The following CPNE8 variants were observed in gnomAD, a reference collection of about 807,000 sequenced individuals.
CPNE8 encodes copine 8.
In CPNE8, 45 loss-of-function variants were observed where a neutral mutation model predicts 81.5. The ratio of observed to expected loss-of-function variants is 0.55; its 90% CI spans 0.44 to 0.71. The LOEUF (loss-of-function observed/expected upper bound fraction) is 0.71, where lower values mean the gene tolerates loss of function less well. Among genes scored for constraint, CPNE8 ranks in the 30% least tolerant of loss-of-function variants. The pLI is 0.00. For synonymous variants in CPNE8, 252 were observed against 226.3 expected (o/e 1.11, Z -1.02); for missense variants, 594 against 672.1 (o/e 0.88, Z 1.28).
chr12:38,889,174 G>T (rs1032322870), intron 1 of CPNE8, among the ~76,000 whole-genome samples: 14 of 149,900 alleles, frequency 9.3e-5, no homozygotes, highest in African/African-American at 3.6e-4. Context: ...AACACATTGG[G>T]CTCCAGGCCC....
intron 10 of CPNE8, among the ~76,000 whole-genome samples, chr12:38,751,382 C>A (rs775615067): frequency 2.6e-5 from 4 of 152,116 alleles, no homozygotes; most frequent in Non-Finnish European, 4.4e-5. Flanking sequence ...TGGGCATCTT[C>A]TTATTATTGT....
At chr12:38,727,835 GC>G (rs1940739201) in intron 11 of CPNE8, among the ~76,000 whole-genome samples, 2 of 152,184 alleles carry the variant, frequency 1.3e-5, no homozygotes, top group Non-Finnish European at 2.9e-5. Flanking sequence ...GTGTACACAT[GC>G]CCAAGGAAGA....
chr12:38,892,792 T>C (rs979778712), intron 1 of CPNE8, among the ~76,000 whole-genome samples: 3 of 152,134 alleles, frequency 2.0e-5, no homozygotes, highest in African/African-American at 7.2e-5. Context: ...AAAAGTAACA[T>C]ATTAGAAAAG....
intron 6 of CPNE8, among the ~76,000 whole-genome samples, chr12:38,799,285 C>T (rs1197623596): frequency 6.6e-6 from 1 of 152,098 alleles, no homozygotes; most frequent in Admixed American, 6.5e-5. Flanking sequence ...AAATTGACCA[C>T]ATACTTGGAA....
chr12:38,753,281 G>A lies in CPNE8; in HGVS notation c.722+7566C>T, dbSNP rs143758404. Reference sequence around the variant, plus strand: ...AGCCTGGTCAACATGGTGAAACCCCGTCTCTAATAAAAATACAAAAATTAG... The same window carrying A: ...AGCCTGGTCAACATGGTGAAACCCCATCTCTAATAAAAATACAAAAATTAG... On this transcript the variant is annotated intron_variant, in intron 10 of 19. Coordinates refer to ENST00000331366, the MANE Select transcript of CPNE8 (RefSeq NM_153634.3). Among the ~76,000 whole-genome samples, 129 of 151,996 alleles carry A rather than the reference G, an allele frequency of 8.5e-4. No individual in the cohort carries two copies. In the East Asian group the frequency reaches 0.017, roughly 20 times the overall value.
intron 3 of CPNE8, among the ~76,000 whole-genome samples, chr12:38,853,609 A>C (rs1943682172): frequency 6.6e-6 from 1 of 152,182 alleles, no homozygotes; most frequent in African/African-American, 2.4e-5. Context: ...TGTTAAAACC[A>C]GAAAACACTG....
At chr12:38,701,208 A>G (rs145455655) in intron 14 of CPNE8, among the ~76,000 whole-genome samples, 86 of 152,292 alleles carry the variant, frequency 5.6e-4, no homozygotes, top group Non-Finnish European at 8.5e-4. Flanking sequence ...TCCTCTTCAG[A>G]TAGTTGTTAG....
intron 7 of CPNE8, among the ~76,000 whole-genome samples, chr12:38,775,107 A>C (rs553166936): frequency 6.6e-6 from 1 of 152,144 alleles, no homozygotes; most frequent in African/African-American, 2.4e-5. Flanking sequence ...TTGATCATCT[A>C]TCTATATTTG....
intron 10 of CPNE8, among the ~76,000 whole-genome samples, chr12:38,733,279 A>G (rs539687010): frequency 3.6e-4 from 55 of 152,084 alleles, no homozygotes; most frequent in African/African-American, 1.3e-3. Context: ...TATACATTAA[A>G]TCACAGATAC....
chr12:38,865,840 T>C lies in CPNE8; in HGVS notation c.186+7164A>G, dbSNP rs188582948. 5.3e-5 allele frequency among the ~76,000 whole-genome samples: 8 copies of C among 152,308 alleles called. No individual in the cohort carries two copies. The East Asian group carries it at 1.5e-3, about 29-fold the overall frequency. On this transcript the variant is annotated intron_variant, in intron 3 of 19. Transcript: ENST00000331366. ...CTTTTCAGCTAACAACCAGCAAAGTTCTGTCTAAAGTGTATACTTGTTCAA... is the reference window on the plus strand; with the variant it reads ...CTTTTCAGCTAACAACCAGCAAAGTCCTGTCTAAAGTGTATACTTGTTCAA...
chr12:38,865,345 G>A (rs536216299), intron 3 of CPNE8, among the ~76,000 whole-genome samples: 1 of 152,248 alleles, frequency 6.6e-6, no homozygotes, highest in South Asian at 2.1e-4. Flanking sequence ...GATTGTTCTA[G>A]ACAGATATTA....
chr12:38,656,798 T>G (rs1938830882), intron 19 of CPNE8, among the ~76,000 whole-genome samples: 1 of 152,094 alleles, frequency 6.6e-6, no homozygotes, highest in African/African-American at 2.4e-5. Flanking sequence ...CAACTTAGCT[T>G]AAAGGATCCT....
chr12:38,782,617 T>C (rs1942079878), intron 6 of CPNE8, among the ~76,000 whole-genome samples: 2 of 151,872 alleles, frequency 1.3e-5, no homozygotes, highest in South Asian at 2.1e-4. Context: ...AGAAAGTGAA[T>C]AGAATAAAGT....
At chr12:38,787,288 T>A (rs1490083956) in intron 6 of CPNE8, among the ~76,000 whole-genome samples, 1 of 151,820 alleles carries the variant, frequency 6.6e-6, no homozygotes, top group Non-Finnish European at 1.5e-5. Flanking sequence ...AAACTAGATA[T>A]CAACCACAAG....
At chr12:38,805,447 T>G in intron 6 of CPNE8, among the ~76,000 whole-genome samples, 1 of 66,860 alleles carries the variant, frequency 1.5e-5, no homozygotes, top group African/African-American at 5.5e-5. Context: ...CACTCATAGG[T>G]GGGAATTGAA....
At chr12:38,703,750 C>A (rs762056088) in intron 13 of CPNE8, among the ~76,000 whole-genome samples, 1 of 152,148 alleles carries the variant, frequency 6.6e-6, no homozygotes, top group Non-Finnish European at 1.5e-5. Context: ...TGCAAAGTTT[C>A]AGGATACAAA....
At chr12:38,710,846 T>C (rs993232957) in intron 13 of CPNE8, among the ~76,000 whole-genome samples, 5 of 152,174 alleles carry the variant, frequency 3.3e-5, no homozygotes, top group African/African-American at 1.2e-4. Flanking sequence ...CATTTTAATA[T>C]CACCGTACAC....
intron 1 of CPNE8, among the ~76,000 whole-genome samples, chr12:38,875,478 C>A (rs923097328): frequency 1.3e-4 from 20 of 152,062 alleles, no homozygotes; most frequent in African/African-American, 4.8e-4. Context: ...AATTACATTT[C>A]AATTTGTAAT....
intron 6 of CPNE8, among the ~76,000 whole-genome samples, chr12:38,812,524 C>T (rs944025289): frequency 1.3e-5 from 2 of 152,158 alleles, no homozygotes; most frequent in African/African-American, 4.8e-5. Flanking sequence ...AACTCACTAT[C>T]ATGAGAACAG....
Sources: gnomAD v4.1 joint callset for allele counts (sites outside exome capture counted in the v4.1 genomes callset) on GRCh38, gnomAD v4.1.1 for gene constraint, MANE v1.5 for transcripts, NCBI Gene and HGNC (gene_info 2026-07-23, HGNC 2026-07-21) for gene names.